TBC1D24: variants seen among roughly 807,000 people sequenced by gnomAD.
TBC1D24 encodes the protein Infantile myoclonic epilepsy.
A neutral mutation model predicts 50.7 loss-of-function variants in TBC1D24; 47 were observed. The ratio of observed to expected loss-of-function variants is 0.93; its 90% CI spans 0.73 to 1.18. The LOEUF (loss-of-function observed/expected upper bound fraction) is 1.18, where lower values mean the gene tolerates loss of function less well. TBC1D24 is among the 50% of genes most tolerant of loss of function. The pLI is 0.00. For synonymous variants in TBC1D24, 324 were observed against 335.2 expected, an observed-to-expected ratio of 0.97 and a Z score of 0.36; for missense variants, 688 against 766.5, an observed-to-expected ratio of 0.90 and a Z score of 1.21.
intron 1 of TBC1D24, chr16:2,477,994 G>C (rs2065582265): frequency 2.0e-5 from 3 of 152,312 alleles, no homozygotes; most frequent in African/African-American, 7.2e-5. Context: ...ACTGGGAAAA[G>C]CCTTGAGTTC....
intron 1 of TBC1D24, among the ~76,000 whole-genome samples, chr16:2,489,203 G>A (rs1172214361): frequency 6.6e-5 from 10 of 151,974 alleles, no homozygotes; most frequent in African/African-American, 1.7e-4. Flanking sequence ...AGGCTGAGGC[G>A]GGCGGATCAC....
At chr16:2,479,473 C>T (rs985245370) in intron 1 of TBC1D24, 5 of 152,284 alleles carry the variant, frequency 3.3e-5, no homozygotes, top group African/African-American at 9.7e-5. Context: ...GACCCTGTTT[C>T]TGTGTGGTCC....
At position 2,500,464 on chromosome 16, in the gene TBC1D24, CG is replaced by C; in HGVS notation, c.1505del (p.Gly502AlafsTer21). 1 of 1,579,916 alleles carries C rather than the reference CG, an allele frequency of 6.3e-7. No individual in the cohort carries two copies. Among genetic ancestry groups the C allele is most frequent in the Non-Finnish European group, 8.6e-7 (1 of 1,163,444 alleles). On this transcript the variant is annotated frameshift_variant, in exon 7 of 8. Coordinates refer to ENST00000646147, the MANE Select transcript of TBC1D24 (RefSeq NM_001199107.2). LOFTEE classifies it high-confidence loss of function. This position sits in a 1 kb window ranked among gnomAD's most constrained non-coding sequence, Gnocchi z 8.0. ...TCCAAGACCGAGTCCATGTTCATGG[CG>C]GGGGGCAGCGACTGCCTCATCGTCG... ...LPSKTESMFM[A>X]GGSDCLIVGG...
Position 2,500,206 on chromosome 16 carries a change from C to T in TBC1D24, c.1303-62C>T. The T allele has an allele frequency of 6.9e-7, 1 of 1,445,882 alleles. No homozygotes were observed. Among genetic ancestry groups the T allele is most frequent in the African/African-American group, 1.4e-5 (1 of 71,174 alleles). The allele number at this position is 1,445,882 out of a possible 1,614,324, so 89.6% of individuals were successfully genotyped here. A position where few individuals can be genotyped will look rare whatever the true frequency, so the allele number is the denominator to read the frequency against. The stretch of plus-strand genomic sequence containing the variant: ...ATTCACGGGATGAAACGGGTTGTGG[C>T]TCTGGGGCAGAGGGGCCTGCGAACG... On this transcript the variant is annotated intron_variant, in intron 6 of 7. Transcript: ENST00000646147. This position sits in a 1 kb window ranked among gnomAD's most constrained non-coding sequence, Gnocchi z 8.0.
At chr16:2,488,493 CTTTTTTTTTTTTTT>C (rs34983305) in intron 1 of TBC1D24, among the ~76,000 whole-genome samples, 2 of 100,720 alleles carry the variant, frequency 2.0e-5, no homozygotes, top group Admixed American at 1.1e-4. Flanking sequence ...TCGCACATAG[CTTTTTTTTTTTTTT>C]TTTTTTTTTT....
intron 1 of TBC1D24, among the ~76,000 whole-genome samples, chr16:2,490,980 A>G (rs768974427): frequency 3.7e-4 from 57 of 152,212 alleles, no homozygotes; most frequent in Non-Finnish European, 2.5e-4. Context: ...ACAACAGGGA[A>G]AGCCACTCGG....
chr16:2,497,231 C>T lies in TBC1D24; in HGVS notation c.965+118C>T, dbSNP rs923488946. 2.2e-6 allele frequency: 3 copies of T among 1,336,752 alleles called. No individual in the cohort carries two copies. The Admixed American group carries it at 5.5e-5, about 24-fold the overall frequency. 82.8% of individuals were successfully genotyped at this position (1,336,752 alleles called of 1,614,324 possible). On this transcript the variant is annotated intron_variant, in intron 2 of 7. Transcript: ENST00000646147. ...GGCCTCTGCCCATGGTCCACCCAGCCATCTGTGCATGGCTGAAAAGACACT... is the reference window on the plus strand; with the variant it reads ...GGCCTCTGCCCATGGTCCACCCAGCTATCTGTGCATGGCTGAAAAGACACT...
At position 2,501,153 on chromosome 16, in the gene TBC1D24, C is replaced by T; in HGVS notation, c.*195C>T. 1.5e-6 allele frequency: 1 copy of T among 672,584 alleles called. No homozygotes were observed. Among genetic ancestry groups the T allele is most frequent in the Non-Finnish European group, 2.5e-6 (1 of 399,650 alleles). The allele number at this position is 672,584 out of a possible 1,614,324, so 41.7% of individuals were successfully genotyped here. On this transcript the variant is annotated 3_prime_UTR_variant, in exon 8 of 8. Transcript: ENST00000646147. ...GGGTTTGGGCTGGGCTTCCCCAGTC[C>T]ACCTGCATCTGGGTCAGAGCTGGAG... is the stretch of plus-strand genomic sequence containing the variant.
chr16:2,500,825 T>C lies in TBC1D24; in HGVS notation c.1547T>C (p.Leu516Pro). 6.2e-7 allele frequency: 1 copy of C among 1,607,378 alleles called. No homozygotes were observed. Among genetic ancestry groups the C allele is most frequent in the Non-Finnish European group, 8.5e-7 (1 of 1,179,824 alleles). Residue 516 changes from leucine to proline, a missense_variant, in exon 8 of 8, where the codon CTC (leucine) becomes CCC (proline). By Grantham distance (98) the Leu-to-Pro change is moderately conservative. Transcript: ENST00000646147. This position sits in a 1 kb window ranked among gnomAD's most constrained non-coding sequence, Gnocchi z 8.0. ...LIVGGGGGQALYIDGDLNRGR... is the reference protein window; with the variant it reads ...LIVGGGGGQAPYIDGDLNRGR... Reference sequence around the variant, plus strand: ...GCAGGGGGAGGAGGCGGCCAGGCGCTCTACATCGATGGGGACCTGAACCGG... The same window carrying C: ...GCAGGGGGAGGAGGCGGCCAGGCGCCCTACATCGATGGGGACCTGAACCGG...
At chr16:2,490,714 G>C (rs1167702504) in intron 1 of TBC1D24, among the ~76,000 whole-genome samples, 2 of 152,240 alleles carry the variant, frequency 1.3e-5, no homozygotes, top group Non-Finnish European at 1.5e-5. Context: ...CCGCAGGTTA[G>C]GGAAGATGCA....
At chr16:2,476,376 G>A (rs1320677146) in intron 1 of TBC1D24, among the ~76,000 whole-genome samples, 2 of 152,230 alleles carry the variant, frequency 1.3e-5, no homozygotes, top group Non-Finnish European at 1.5e-5. Flanking sequence ...CAAGCAGTCA[G>A]GTTCTTTTCA....
rs145496253 is a variant in TBC1D24 at position 2,498,046 on chromosome 16, G to C, written c.984-192G>C. ...GCTGGGCACTTTCCCTTCTGTAATG[G>C]GTGGGAGGTGGGGCTCCTGGGAACT... On this transcript the variant is annotated intron_variant, in intron 3 of 7. Transcript: ENST00000646147. 1.2e-4 allele frequency among the ~76,000 whole-genome samples: 18 copies of C among 152,334 alleles called. No individual in the cohort carries two copies. The East Asian group carries it at 3.5e-3, about 29-fold the overall frequency.
chr16:2,497,496 C>T (rs543745712), intron 2 of TBC1D24, among the ~76,000 whole-genome samples: 2 of 152,206 alleles, frequency 1.3e-5, no homozygotes, highest in African/African-American at 4.8e-5. Flanking sequence ...GCCTGGAGCA[C>T]AGCCCCAGGG....
At position 2,504,371 on chromosome 16, in the gene TBC1D24, T is replaced by C. The variant is rs559492296; in HGVS notation, c.*3413T>C. 1 of 152,022 alleles carries C rather than the reference T, an allele frequency of 6.6e-6. No individual in the cohort carries two copies. The highest frequency in any genetic ancestry group is 6.6e-5 in the Admixed American group (1 of 15,258). 9.4% of individuals were successfully genotyped at this position (152,022 alleles called of 1,614,324 possible). A position where few individuals can be genotyped will look rare whatever the true frequency, so the allele number is the denominator to read the frequency against. On this transcript the variant is annotated 3_prime_UTR_variant, in exon 8 of 8. Coordinates refer to ENST00000646147, the MANE Select transcript of TBC1D24 (RefSeq NM_001199107.2). Reference sequence around the variant, plus strand: ...TATCAAAACAAAGAAATAAGCATTGTTGCATTGCTGTTAACTAAACCACAG... The same window carrying C: ...TATCAAAACAAAGAAATAAGCATTGCTGCATTGCTGTTAACTAAACCACAG...
At position 2,499,707 on chromosome 16, in the gene TBC1D24, G is replaced by A; in HGVS notation, c.1207-128G>A. On this transcript the variant is annotated intron_variant, in intron 5 of 7. Coordinates refer to ENST00000646147, the MANE Select transcript of TBC1D24 (RefSeq NM_001199107.2). This position sits in a 1 kb window ranked among gnomAD's most constrained non-coding sequence, Gnocchi z 4.0. ...CCTTTCCCACACCACTCCTGCCCTGGGGTGGGGGTGGGAGACGGCAATGCC... is the reference window on the plus strand; with the variant it reads ...CCTTTCCCACACCACTCCTGCCCTGAGGTGGGGGTGGGAGACGGCAATGCC... 1 of 875,180 alleles carries A rather than the reference G, an allele frequency of 1.1e-6. No homozygotes were observed. Among genetic ancestry groups the A allele is most frequent in the Non-Finnish European group, 2.0e-6 (1 of 511,214 alleles). The allele number at this position is 875,180 out of a possible 1,614,324, so 54.2% of individuals were successfully genotyped here.
intron 1 of TBC1D24, among the ~76,000 whole-genome samples, chr16:2,491,545 C>T (rs1460041703): frequency 1.3e-5 from 2 of 151,006 alleles, no homozygotes; most frequent in East Asian, 3.9e-4. Context: ...TGCGCCACCA[C>T]GCCTGGCTAA....
rs1164168712 is a variant in TBC1D24, at chr16:2,487,940, T to C, written c.-115-8094T>C. Among the ~76,000 whole-genome samples, 1 of 152,130 alleles carries C rather than the reference T, an allele frequency of 6.6e-6. No homozygotes were observed. The highest frequency in any genetic ancestry group is 2.4e-5 in the African/African-American group (1 of 41,448). ...TGGAGCAGCAACAGCAGCCAGCAGC[T>C]GTGGGGTTGTGTTCCGCCCCGAGGC... is the stretch of plus-strand genomic sequence containing the variant. On this transcript the variant is annotated intron_variant, in intron 1 of 7. Coordinates refer to ENST00000646147, the MANE Select transcript of TBC1D24 (RefSeq NM_001199107.2). This position sits in a 1 kb window ranked among gnomAD's most constrained non-coding sequence, Gnocchi z 4.1.
Position 2,500,507 on chromosome 16 carries a change from G to A in TBC1D24, c.1525+17G>A, listed in dbSNP as rs537260143. ...TCATCGTCGGTGAGCGCCAGCAGACGGGGCTCTGGGATGAGGGTGTGGGGT... is the reference window on the plus strand; with the variant it reads ...TCATCGTCGGTGAGCGCCAGCAGACAGGGCTCTGGGATGAGGGTGTGGGGT... On this transcript the variant is annotated intron_variant, in intron 7 of 7. Coordinates refer to ENST00000646147, the MANE Select transcript of TBC1D24 (RefSeq NM_001199107.2). This position sits in a 1 kb window ranked among gnomAD's most constrained non-coding sequence, Gnocchi z 8.0. 5.0e-5 allele frequency: 78 copies of A among 1,547,058 alleles called. No individual in the cohort carries two copies. Among genetic ancestry groups the A allele is most frequent in the Non-Finnish European group, 6.2e-5 (71 of 1,147,244 alleles).
Position 2,496,504 on chromosome 16 carries a change from TG to T in TBC1D24, c.357del (p.Cys120AlafsTer49). The T allele has an allele frequency of 6.2e-7, 1 of 1,609,616 alleles. No individual in the cohort carries two copies. The highest frequency in any genetic ancestry group is 8.5e-7 in the Non-Finnish European group (1 of 1,179,920). Reference protein sequence around the residue: ...RGEGAVRKILLCLANQFPDIS... With the variant: ...RGEGAVRKILXCLANQFPDIS... ...GAGGGGGCCGTGCGCAAGATCCTCC[TG>T]TGCCTGGCCAACCAGTTCCCCGACA... On this transcript the variant is annotated frameshift_variant, in exon 2 of 8. Transcript: ENST00000646147. LOFTEE classifies it high-confidence loss of function.
Sources: allele counts gnomAD v4.1 joint callset (sites outside exome capture counted in the v4.1 genomes callset), GRCh38; gene constraint gnomAD v4.1.1; non-coding constraint Gnocchi (gnomAD v3.1); transcripts MANE v1.5; gene names NCBI Gene and HGNC (gene_info 2026-07-23, HGNC 2026-07-21).